The following NPHP4 variants were observed in gnomAD, a reference collection of about 807,000 sequenced individuals.
NPHP4 encodes nephrocystin-4.
Under a neutral mutation model 155.8 loss-of-function variants are expected in NPHP4, and 151 were observed. The observed-to-expected ratio is 0.97, with a 90% CI of 0.85 to 1.11. The LOEUF is 1.11. Among genes scored for constraint, NPHP4 ranks in the 50% least tolerant of loss-of-function variants. The pLI is 0.00. For synonymous variants in NPHP4, 845 were observed against 816.8 expected, an observed-to-expected ratio of 1.03 and a Z score of -0.59; for missense variants, 1,956 against 1,925.7, an observed-to-expected ratio of 1.02 and a Z score of -0.29.
intron 11 of NPHP4, among the ~76,000 whole-genome samples, chr1:5,924,334 GACC>G (rs1645890189): frequency 6.6e-6 from 1 of 152,108 alleles, no homozygotes; most frequent in Non-Finnish European, 1.5e-5. Context: ...AAGAAATAAT[GACC>G]ACAATTTTTC....
At chr1:5,904,869 T>C (rs2101124771) in intron 15 of NPHP4, 65 bp from the exon 16 acceptor site, 2 of 1,496,778 alleles carry the variant, frequency 1.3e-6, no homozygotes, top group South Asian at 2.3e-5. Context: ...GGGTCTAATG[T>C]GTGTTTGCAT....
rs1557616048 is a variant in NPHP4 at position 5,874,620 on chromosome 1, C to T, written c.3082G>A (p.Gly1028Ser). 1 of 1,612,162 alleles carries T rather than the reference C, an allele frequency of 6.2e-7. No individual in the cohort carries two copies. Among genetic ancestry groups the T allele is most frequent in the Non-Finnish European group, 8.5e-7 (1 of 1,179,558 alleles). ...VDSQEWRDFK[G>S]AAGLHTPVEE... ...ACCGGTGTGTGCAGGCCAGCAGCACCCTTGAAGTCCCTCCACTCCTGACTG... is the reference window on the plus strand; with the variant it reads ...ACCGGTGTGTGCAGGCCAGCAGCACTCTTGAAGTCCCTCCACTCCTGACTG... Residue 1028 changes from glycine to serine, a missense_variant, in exon 22 of 30, where the codon GGT (glycine) becomes AGT (serine). Transcript: ENST00000378156.
At chr1:5,969,896 A>G (rs1041467112) in intron 3 of NPHP4, among the ~76,000 whole-genome samples, 2 of 152,136 alleles carry the variant, frequency 1.3e-5, no homozygotes, top group Non-Finnish European at 2.9e-5. Context: ...CCAAAAGACT[A>G]AAGTCTTTTT....
At chr1:5,874,709 C>T in intron 21 of NPHP4, 52 bp from the exon 22 acceptor site, 1 of 1,580,884 alleles carries the variant, frequency 6.3e-7, no homozygotes, top group Non-Finnish European at 8.6e-7. Context: ...GGAGGACCCA[C>T]AGGAGGCTGC....
chr1:5,887,831 G>A (rs747756107), intron 17 of NPHP4, among the ~76,000 whole-genome samples: 3 of 152,198 alleles, frequency 2.0e-5, no homozygotes, highest in Non-Finnish European at 4.4e-5. Flanking sequence ...GCCAAGCAAC[G>A]CAAAGGACTC....
chr1:5,930,126 C>T (rs749014006), intron 10 of NPHP4, among the ~76,000 whole-genome samples: 2 of 152,122 alleles, frequency 1.3e-5, no homozygotes, highest in Non-Finnish European at 2.9e-5. Context: ...TTTTAATACC[C>T]GTGAGGTCTG....
intron 3 of NPHP4, among the ~76,000 whole-genome samples, chr1:5,971,049 C>T (rs971621259): frequency 6.6e-6 from 1 of 152,196 alleles, no homozygotes; most frequent in Non-Finnish European, 1.5e-5. Context: ...GCTTATCAGT[C>T]TTACGAACAC....
intron 23 of NPHP4, among the ~76,000 whole-genome samples, chr1:5,871,643 C>T (rs748981020): frequency 8.5e-5 from 13 of 152,218 alleles, no homozygotes; most frequent in Non-Finnish European, 1.9e-4. Flanking sequence ...GTGAGGGAGA[C>T]ACGGGTGATG....
rs1279000546 is a variant in NPHP4 at position 5,881,285 on chromosome 1, G to GC, written c.2486-1047dup. The GC allele has an allele frequency of 3.3e-5, 5 of 152,408 alleles. No homozygotes were observed. In the East Asian group the frequency reaches 9.7e-4, roughly 29 times the overall value. 9.4% of individuals were successfully genotyped at this position (152,408 alleles called of 1,614,324 possible). On this transcript the variant is annotated intron_variant, in intron 18 of 29. Transcript: ENST00000378156. ...CACGTGCAGGCACCTGTGGAGGTGA[G>GC]CCATATCCTCCGTCCAACCCAGGTT...
chr1:5,904,843 T>C (rs775801426), intron 15 of NPHP4, 39 bp from the exon 16 acceptor site: 3 of 1,599,488 alleles, frequency 1.9e-6, no homozygotes, highest in South Asian at 1.1e-5. Flanking sequence ...TGAGTATCCA[T>C]GGCACAGAAC....
chr1:5,878,938 A>T (rs1365490342), intron 19 of NPHP4, among the ~76,000 whole-genome samples: 1 of 152,240 alleles, frequency 6.6e-6, no homozygotes, highest in Non-Finnish European at 1.5e-5. Flanking sequence ...TTCACCCCTT[A>T]GCCACGGCAC....
At chr1:5,923,684 T>C (rs1197226511) in intron 11 of NPHP4, among the ~76,000 whole-genome samples, 2 of 152,238 alleles carry the variant, frequency 1.3e-5, no homozygotes, top group African/African-American at 2.4e-5. Flanking sequence ...GTCATCTCAG[T>C]GAGGAATAAT....
intron 6 of NPHP4, among the ~76,000 whole-genome samples, chr1:5,957,079 C>A (rs1208599539): frequency 6.6e-6 from 1 of 152,220 alleles, no homozygotes; most frequent in Non-Finnish European, 1.5e-5. Context: ...ATGAACCCCA[C>A]CGTGGCAGAA....
intron 10 of NPHP4, among the ~76,000 whole-genome samples, chr1:5,931,470 T>G (rs1042126886): frequency 1.3e-5 from 2 of 151,118 alleles, no homozygotes; most frequent in African/African-American, 4.9e-5. Flanking sequence ...CCGGGTGCAG[T>G]GACTCACATC....
chr1:5,983,175 G>A (rs1161718376), intron 2 of NPHP4, among the ~76,000 whole-genome samples: 1 of 152,216 alleles, frequency 6.6e-6, no homozygotes, highest in Non-Finnish European at 1.5e-5. Context: ...GAGAGAAGAA[G>A]AGTTAAAAGT....
chr1:5,969,299 A>T lies in NPHP4; in HGVS notation c.280-40T>A, dbSNP rs545258255. Reference sequence around the variant, plus strand: ...CCAGAGGATGGTCTGAGTGTTCAGGACACACACAAAGAGGACATGGGCGCT... The same window carrying T: ...CCAGAGGATGGTCTGAGTGTTCAGGTCACACACAAAGAGGACATGGGCGCT... On this transcript the variant is annotated intron_variant, in intron 3 of 29. Transcript: ENST00000378156. 16 of 1,423,440 alleles carry T rather than the reference A, an allele frequency of 1.1e-5. No individual in the cohort carries two copies. In the East Asian group the frequency reaches 3.1e-4, roughly 28 times the overall value. 88.2% of individuals were successfully genotyped at this position (1,423,440 alleles called of 1,614,324 possible). A position where few individuals can be genotyped will look rare whatever the true frequency, so the allele number is the denominator to read the frequency against.
At chr1:5,970,609 G>A (rs530337584) in intron 3 of NPHP4, among the ~76,000 whole-genome samples, 1 of 152,094 alleles carries the variant, frequency 6.6e-6, no homozygotes, top group Non-Finnish European at 1.5e-5. Context: ...ATCAGGAGTG[G>A]TGCTGAGCCC....
At position 5,909,159 on chromosome 1, in the gene NPHP4, C is replaced by A; in HGVS notation, c.1496G>T (p.Gly499Val). Residue 499 changes from glycine (G) to valine (V), a missense_variant, in exon 12 of 30, where the codon GGA (glycine) becomes GTA (valine). Physicochemically the swap from Gly to Val is moderately radical, Grantham distance 109. Coordinates refer to ENST00000378156, the MANE Select transcript of NPHP4 (RefSeq NM_015102.5). ...TGGGGGGCCTGGACTTACCCCTGGT[C>A]CCACAGGTGAGTTCTGCGGGGCAGC... ...VLAAPQNSPV[G>V]PGLSISQLAA... 1.9e-6 allele frequency: 3 copies of A among 1,599,330 alleles called. No homozygotes were observed. The highest frequency in any genetic ancestry group is 2.6e-6 in the Non-Finnish European group (3 of 1,173,166).
At chr1:5,968,649 T>C (rs1464845585) in intron 4 of NPHP4, among the ~76,000 whole-genome samples, 1 of 151,368 alleles carries the variant, frequency 6.6e-6, no homozygotes, top group East Asian at 2.0e-4. Flanking sequence ...TCCCACACTA[T>C]GCTATTATGG....
Sources: gnomAD v4.1 joint callset for allele counts (sites outside exome capture counted in the v4.1 genomes callset) on GRCh38, gnomAD v4.1.1 for gene constraint, MANE v1.5 for transcripts, NCBI Gene and HGNC (gene_info 2026-07-23, HGNC 2026-07-21) for gene names.